RAB7A: variants seen among roughly 807,000 people sequenced by gnomAD.
RAB7A encodes the protein RAB7A, member RAS oncogene family.
In RAB7A, 2 loss-of-function variants were observed where a neutral mutation model predicts 24.5. That is an observed-to-expected ratio of 0.08 (90% confidence interval 0.03 to 0.26). The LOEUF is 0.26. Among genes scored for constraint, RAB7A ranks in the 10% least tolerant of loss-of-function variants. The pLI is 1.00. For missense variants in RAB7A, 118 were observed against 255.7 expected (o/e 0.46, Z 3.67); for synonymous variants, 100 against 95.9 (o/e 1.04, Z -0.25).
At chr3:128,795,790 C>T (rs1269617050) in intron 2 of RAB7A, among the ~76,000 whole-genome samples, 9 of 57,772 alleles carry the variant, frequency 1.6e-4, no homozygotes, top group Admixed American at 7.7e-4. Flanking sequence ...CTCGCTCTGT[C>T]GCCCAGGCTG....
chr3:128,754,656 A>G (rs953646744), intron 1 of RAB7A, among the ~76,000 whole-genome samples: 7 of 152,190 alleles, frequency 4.6e-5, no homozygotes, highest in Non-Finnish European at 7.4e-5. Flanking sequence ...TCTAGCCATA[A>G]GAGACCCACT....
intron 1 of RAB7A, chr3:128,764,493 GGTGTT>G: frequency 2.5e-6 from 2 of 787,732 alleles, no homozygotes; most frequent in Non-Finnish European, 4.5e-6. Context: ...TGTCTCCCAG[GGTGTT>G]CTTGTTAAAG....
intron 1 of RAB7A, among the ~76,000 whole-genome samples, chr3:128,730,351 TC>T (rs1445080567): frequency 6.6e-6 from 1 of 151,902 alleles, no homozygotes; most frequent in African/African-American, 2.4e-5. Context: ...TGCCTCAGCC[TC>T]CCGAGTAGCT....
At chr3:128,768,224 CATT>C (rs909638019) in intron 1 of RAB7A, among the ~76,000 whole-genome samples, 2 of 152,096 alleles carry the variant, frequency 1.3e-5, no homozygotes, top group African/African-American at 4.8e-5. Flanking sequence ...CCTCATTCGA[CATT>C]ATTATTTTAT....
At chr3:128,798,380 G>T in intron 3 of RAB7A, 1 of 344,448 alleles carries the variant, frequency 2.9e-6, no homozygotes. Context: ...GCAACCTGCA[G>T]GTCTCTGTCT....
At chr3:128,782,856 G>A (rs886779858) in intron 1 of RAB7A, among the ~76,000 whole-genome samples, 1 of 152,160 alleles carries the variant, frequency 6.6e-6, no homozygotes, top group African/African-American at 2.4e-5. Context: ...CTGCTTCAGA[G>A]AATTCTCCTT....
chr3:128,748,488 C>T (rs2070643503), intron 1 of RAB7A: 2 of 152,480 alleles, frequency 1.3e-5, no homozygotes, highest in South Asian at 2.1e-4. Flanking sequence ...TGGTGGGACC[C>T]CCAGAAGGCA....
At chr3:128,758,570 C>T (rs1576280405) in intron 1 of RAB7A, among the ~76,000 whole-genome samples, 1 of 152,186 alleles carries the variant, frequency 6.6e-6, no homozygotes, top group East Asian at 1.9e-4. Flanking sequence ...GCCACTGGCC[C>T]AGCCTCCTGC....
intron 3 of RAB7A, chr3:128,799,183 C>T (rs562474523): frequency 4.9e-4 from 74 of 152,416 alleles, no homozygotes; most frequent in Non-Finnish European, 6.6e-4. Context: ...CCCTTGAGAG[C>T]ATCAGCCAAG....
chr3:128,764,294 CTTTT>C (rs60683091), intron 1 of RAB7A, among the ~76,000 whole-genome samples: 1 of 146,832 alleles, frequency 6.8e-6, no homozygotes. Flanking sequence ...AACTTTCTTT[CTTTT>C]TTTTTTTGGT....
chr3:128,791,201 G>A (rs1933446083), intron 1 of RAB7A, among the ~76,000 whole-genome samples: 1 of 151,898 alleles, frequency 6.6e-6, no homozygotes, highest in African/African-American at 2.4e-5. Flanking sequence ...GAGTGCGGTG[G>A]TGTGATCTCA....
intron 5 of RAB7A, among the ~76,000 whole-genome samples, chr3:128,812,408 C>G (rs1466416588): frequency 6.6e-6 from 1 of 152,214 alleles, no homozygotes. Context: ...AGCCACCATG[C>G]TCAGCCAAAG....
chr3:128,781,908 G>T (rs922729356), intron 1 of RAB7A, among the ~76,000 whole-genome samples: 3 of 152,148 alleles, frequency 2.0e-5, no homozygotes, highest in African/African-American at 7.2e-5. Context: ...AGCTCCTCAG[G>T]TGGCTGAGAC....
In RAB7A at chr3:128,757,546, G is replaced by T. The variant is rs892862911; in HGVS notation, c.-9+31187G>T. 3.2e-4 allele frequency among the ~76,000 whole-genome samples: 48 copies of T among 150,418 alleles called. 1 individual carries two copies. Among genetic ancestry groups the T allele is most frequent in the Admixed American group, 1.3e-4 (2 of 15,144 alleles). ...ACAATTTTTTTTTTTTTGAGACCAA[G>T]TCTTGCTGTGTTACCCAGGCTGGAG... On this transcript the variant is annotated intron_variant, in intron 1 of 5. Transcript: ENST00000265062.
chr3:128,784,692 C>A (rs914027317), intron 1 of RAB7A, among the ~76,000 whole-genome samples: 21 of 152,158 alleles, frequency 1.4e-4, no homozygotes, highest in Non-Finnish European at 3.1e-4. Flanking sequence ...CTGTTTGTTC[C>A]CTTTTCCCCC....
chr3:128,812,320 C>T (rs768329260), intron 5 of RAB7A, among the ~76,000 whole-genome samples: 11 of 152,078 alleles, frequency 7.2e-5, no homozygotes, highest in Non-Finnish European at 1.2e-4. Flanking sequence ...TCACCATGTT[C>T]GCCAGGCTGG....
At chr3:128,731,166 T>C (rs1031013180) in intron 1 of RAB7A, among the ~76,000 whole-genome samples, 1 of 152,230 alleles carries the variant, frequency 6.6e-6, no homozygotes, top group African/African-American at 2.4e-5. Flanking sequence ...ATTTCCAATA[T>C]TGGTATGTAA....
intron 1 of RAB7A, among the ~76,000 whole-genome samples, chr3:128,753,031 C>T (rs1576277486): frequency 6.6e-6 from 1 of 152,148 alleles, no homozygotes; most frequent in South Asian, 2.1e-4. Flanking sequence ...ACATTATTAA[C>T]ATCTGTAGAA....
intron 1 of RAB7A, among the ~76,000 whole-genome samples, chr3:128,766,694 TG>T (rs1009819679): frequency 5.9e-5 from 9 of 152,208 alleles, no homozygotes; most frequent in Non-Finnish European, 7.4e-5. Context: ...GTCATGTGTG[TG>T]TGTTTGGTTT....
Sources: allele counts gnomAD v4.1 joint callset (sites outside exome capture counted in the v4.1 genomes callset), GRCh38; gene constraint gnomAD v4.1.1; transcripts MANE v1.5; gene names NCBI Gene and HGNC (gene_info 2026-07-23, HGNC 2026-07-21).